Variants in PCDHGB3 observed in about 807,000 individuals in gnomAD.
PCDHGB3 encodes protocadherin gamma subfamily B, 3.
PCDHGB3 carries 40 observed loss-of-function variants against 59.2 expected under a neutral mutation model. That is an observed-to-expected ratio of 0.68 (90% CI 0.52 to 0.88). PCDHGB3 has a LOEUF of 0.88. PCDHGB3 is among the 40% of genes least tolerant of loss of function. PCDHGB3 has a pLI of 0.00. For synonymous variants in PCDHGB3, 581 were observed against 503.6 expected, an observed-to-expected ratio of 1.15 and a Z score of -2.06; for missense variants, 1,309 against 1,187.9, an observed-to-expected ratio of 1.10 and a Z score of -1.50.
At chr5:141,401,533 C>CA (rs902946394) in intron 1 of PCDHGB3, among the ~76,000 whole-genome samples, 5 of 151,672 alleles carry the variant, frequency 3.3e-5, no homozygotes, top group Admixed American at 6.6e-5. Flanking sequence ...AAGAAACTTA[C>CA]AAAAAAAAGG....
At chr5:141,510,040 G>A (rs2099879305) in intron 3 of PCDHGB3, among the ~76,000 whole-genome samples, 1 of 152,220 alleles carries the variant, frequency 6.6e-6, no homozygotes, top group Non-Finnish European at 1.5e-5. Flanking sequence ...GTTATGTAGA[G>A]GTTAAAAGTG....
intron 1 of PCDHGB3, among the ~76,000 whole-genome samples, chr5:141,456,023 G>A (rs937523861): frequency 1.3e-5 from 2 of 151,586 alleles, no homozygotes; most frequent in South Asian, 2.1e-4. Context: ...TCAGCCTCCC[G>A]AGTAGCTGGG....
At chr5:141,421,508 A>G (rs780491148) in intron 1 of PCDHGB3, 1 of 1,614,046 alleles carries the variant, frequency 6.2e-7, no homozygotes, top group Non-Finnish European at 8.5e-7. Flanking sequence ...ATAGACCGGG[A>G]GGAGCTCTGT....
In PCDHGB3 at chr5:141,471,825, A is replaced by G. The variant is rs150400990; in HGVS notation, c.2416-22982A>G. Among the ~76,000 whole-genome samples, 61 of 152,344 alleles carry G rather than the reference A, an allele frequency of 4.0e-4. No individual in the cohort carries two copies. In the East Asian group the frequency reaches 0.011, roughly 27 times the overall value. ...ACATATAAAAGACTACCTATTTTAT[A>G]ATTCCTTTTTAATAAAATATTCAGA... On this transcript the variant is annotated intron_variant, in intron 1 of 3. Coordinates refer to ENST00000576222, the MANE Select transcript of PCDHGB3 (RefSeq NM_018924.5).
intron 1 of PCDHGB3, chr5:141,399,021 C>T (rs2093739749): frequency 1.2e-6 from 2 of 1,613,862 alleles, no homozygotes; most frequent in Non-Finnish European, 1.7e-6. Context: ...GAGAAATTAC[C>T]ACTCAAAAGA....
At chr5:141,501,423 A>C (rs1195105794) in intron 2 of PCDHGB3, among the ~76,000 whole-genome samples, 1 of 151,966 alleles carries the variant, frequency 6.6e-6, no homozygotes, top group Non-Finnish European at 1.5e-5. Flanking sequence ...AGTTGACTAA[A>C]TGTAGTCCAT....
intron 1 of PCDHGB3, chr5:141,419,226 C>T (rs560904796): frequency 1.9e-6 from 3 of 1,614,006 alleles, no homozygotes; most frequent in East Asian, 2.2e-5. Context: ...GGACAGTCAG[C>T]CTACCTGGTC....
At chr5:141,413,785 C>G (rs771027783) in intron 1 of PCDHGB3, 17 of 1,613,070 alleles carry the variant, frequency 1.1e-5, no homozygotes, top group Non-Finnish European at 1.4e-5. Flanking sequence ...GGAGCACTCC[C>G]TAGATCGCGA....
chr5:141,507,691 A>G (rs777728143), intron 3 of PCDHGB3, among the ~76,000 whole-genome samples: 72 of 152,198 alleles, frequency 4.7e-4, no homozygotes, highest in Non-Finnish European at 6.8e-4. Context: ...CAGAAATGAA[A>G]TCAGTATTTA....
chr5:141,422,629 A>C lies in PCDHGB3; in HGVS notation c.2415+49820A>C, dbSNP rs780472571. 1.9e-6 allele frequency: 3 copies of C among 1,613,270 alleles called. No homozygotes were observed. The Admixed American group carries it at 5.0e-5, about 27-fold the overall frequency. Reference sequence around the variant, plus strand: ...TGCCTACATTCCCGAAAACAACCCCAGGGGTGCCTCCATCTTCTCAGTGAC... The same window carrying C: ...TGCCTACATTCCCGAAAACAACCCCCGGGGTGCCTCCATCTTCTCAGTGAC... On this transcript the variant is annotated intron_variant, in intron 1 of 3. Transcript: ENST00000576222.
intron 1 of PCDHGB3, chr5:141,415,955 G>A: frequency 8.5e-6 from 4 of 472,662 alleles, no homozygotes; most frequent in Non-Finnish European, 1.3e-5. Context: ...GTCACATATT[G>A]AAACTCCAGC....
At chr5:141,501,326 CACACACA>C (rs1562200783) in intron 2 of PCDHGB3, among the ~76,000 whole-genome samples, 10 of 151,784 alleles carry the variant, frequency 6.6e-5, no homozygotes, top group African/African-American at 1.9e-4. Flanking sequence ...CACACACACA[CACACACA>C]CCCCAAACTC....
chr5:141,495,810 C>T (rs1003475681), intron 2 of PCDHGB3, among the ~76,000 whole-genome samples: 1 of 152,088 alleles, frequency 6.6e-6, no homozygotes, highest in Non-Finnish European at 1.5e-5. Context: ...CGTTTCCTAG[C>T]GCCTTGTGTT....
chr5:141,401,000 C>T (rs113065470), intron 1 of PCDHGB3, among the ~76,000 whole-genome samples: 2 of 152,218 alleles, frequency 1.3e-5, no homozygotes, highest in Non-Finnish European at 2.9e-5. Flanking sequence ...CTTTCTTATT[C>T]CTACCTAATG....
At position 141,512,750 on chromosome 5, in the gene PCDHGB3, G is replaced by C. The variant is rs538475261; in HGVS notation, c.*1577G>C. The C allele has an allele frequency of 2.6e-5, 4 of 152,894 alleles. No homozygotes were observed. The highest frequency in any genetic ancestry group is 4.4e-5 in the Non-Finnish European group (3 of 68,656). 9.5% of individuals were successfully genotyped at this position (152,894 alleles called of 1,614,324 possible). ...AGCGGGCGGCGGGCTCCGCGCAGCC[G>C]TCTGTCCTTGATCTGCCCGCGGCGG... On this transcript the variant is annotated 3_prime_UTR_variant, in exon 4 of 4. Coordinates refer to ENST00000576222, the MANE Select transcript of PCDHGB3 (RefSeq NM_018924.5).
intron 1 of PCDHGB3, chr5:141,403,053 C>A: frequency 6.2e-7 from 1 of 1,614,076 alleles, no homozygotes; most frequent in Non-Finnish European, 8.5e-7. Context: ...ATTCGCTACT[C>A]AGTGCCTGAA....
chr5:141,495,323 G>C (rs1029646773), intron 2 of PCDHGB3, among the ~76,000 whole-genome samples: 2 of 152,214 alleles, frequency 1.3e-5, no homozygotes, highest in African/African-American at 4.8e-5. Context: ...AGCCGAGGCT[G>C]ACTGCAGCCT....
intron 3 of PCDHGB3, among the ~76,000 whole-genome samples, chr5:141,509,068 G>A (rs1267011061): frequency 6.6e-6 from 1 of 152,144 alleles, no homozygotes; most frequent in Non-Finnish European, 1.5e-5. Flanking sequence ...TCTCAGCTCC[G>A]GGGATTTGCG....
At position 141,489,062 on chromosome 5, in the gene PCDHGB3, C is replaced by G. The variant is rs1466124551; in HGVS notation, c.2416-5745C>G. Reference sequence around the variant, plus strand: ...GCTCCACTCAAATTCAGCTCCCCTCCCCCCTGCCCACCCCCGCCACTCGGT... The same window carrying G: ...GCTCCACTCAAATTCAGCTCCCCTCGCCCCTGCCCACCCCCGCCACTCGGT... On this transcript the variant is annotated intron_variant, in intron 1 of 3. Transcript: ENST00000576222. This position sits in a 1 kb window ranked among gnomAD's most constrained non-coding sequence, Gnocchi z 4.5. 5.3e-6 allele frequency: 2 copies of G among 378,914 alleles called. No homozygotes were observed. Among genetic ancestry groups the G allele is most frequent in the Non-Finnish European group, 9.5e-6 (2 of 209,830 alleles). 23.5% of individuals were successfully genotyped at this position (378,914 alleles called of 1,614,324 possible).
Sources: gnomAD v4.1 joint callset for allele counts (sites outside exome capture counted in the v4.1 genomes callset) on GRCh38, gnomAD v4.1.1 for gene constraint, Gnocchi (gnomAD v3.1) non-coding constraint, MANE v1.5 for transcripts, NCBI Gene and HGNC (gene_info 2026-07-23, HGNC 2026-07-21) for gene names.